IGSF10: variants seen among roughly 807,000 people sequenced by gnomAD.
IGSF10 encodes the protein immunoglobulin superfamily member 10, also known as calvaria mechanical force protein 608.
Under a neutral mutation model 128.2 loss-of-function variants are expected in IGSF10, and 126 were observed. The observed-to-expected ratio is 0.98, with a 90% CI of 0.85 to 1.14. IGSF10 has a LOEUF of 1.14. Among genes scored for constraint, IGSF10 ranks in the 50% most tolerant of loss-of-function variants. IGSF10 has a pLI of 0.00. For synonymous variants in IGSF10, 1,185 were observed against 1,146.2 expected (o/e 1.03, Z -0.68); for missense variants, 3,295 against 3,149.8 (o/e 1.05, Z -1.10).
At chr3:151,477,269 A>G in the IGSF10 span, among the ~76,000 whole-genome samples, 4 of 152,292 alleles carry the variant, frequency 2.6e-5, no homozygotes, top group Admixed American at 1.3e-4. Context: ...CCAAAATGCC[A>G]TGATTCTTCA....
chr3:151,594,482 C>T, the IGSF10 span, among the ~76,000 whole-genome samples: 10 of 151,834 alleles, frequency 6.6e-5, no homozygotes, highest in South Asian at 1.0e-3. Flanking sequence ...TACAGGCACC[C>T]GCCACCACGC....
At chr3:151,617,318 TCC>T in the IGSF10 span, among the ~76,000 whole-genome samples, 3 of 79,010 alleles carry the variant, frequency 3.8e-5, no homozygotes, top group African/African-American at 1.1e-4. Context: ...TTCTTCTTCT[TCC>T]CCTCCTCCTC....
Position 151,457,034 on chromosome 3 carries a change from C to T in IGSF10, c.316G>A (p.Ala106Thr). ...IPDKTFSDLQ[A>T]LQVLKMSYNK... ...CTCTCCATCAGTCTCACCTGCAAGG[C>T]CTGCAAATCTGAGAAGGTCTTGTCA... The change falls in exon 4 of 8, where the codon GCC becomes ACC. Residue 106 changes from alanine to threonine, a missense_variant. Physicochemically the swap from Ala to Thr is moderately conservative, Grantham distance 58. Coordinates refer to ENST00000282466, the MANE Select transcript of IGSF10 (RefSeq NM_178822.5). 1.2e-6 allele frequency: 2 copies of T among 1,614,186 alleles called. No individual in the cohort carries two copies. The highest frequency in any genetic ancestry group is 1.7e-6 in the Non-Finnish European group (2 of 1,180,020).
At chr3:151,461,740 C>T (rs532831157), upstream of IGSF10, among the ~76,000 whole-genome samples, 1 of 152,184 alleles carries the variant, frequency 6.6e-6, no homozygotes, top group Admixed American at 6.5e-5. Context: ...TTTCCTTTCT[C>T]CAACCCCTAT....
At chr3:151,513,411 A>G in the IGSF10 span, among the ~76,000 whole-genome samples, 1 of 152,216 alleles carries the variant, frequency 6.6e-6, no homozygotes, top group African/African-American at 2.4e-5. Flanking sequence ...GCCTGACAAA[A>G]TTCAACAACC....
At chr3:151,551,379 C>T in the IGSF10 span, among the ~76,000 whole-genome samples, 1 of 152,100 alleles carries the variant, frequency 6.6e-6, no homozygotes, top group Non-Finnish European at 1.5e-5. Flanking sequence ...GTATCACAGT[C>T]AGCCCTGCAG....
the IGSF10 span, among the ~76,000 whole-genome samples, chr3:151,598,557 T>G: frequency 9.3e-4 from 142 of 152,370 alleles, 1 homozygote; most frequent in African/African-American, 3.3e-3. Context: ...GCATATAATC[T>G]ATGTACATCA....
At chr3:151,610,075 G>A in the IGSF10 span, among the ~76,000 whole-genome samples, 1 of 152,158 alleles carries the variant, frequency 6.6e-6, no homozygotes, top group African/African-American at 2.4e-5. Context: ...CAGGGCAACA[G>A]TGGTGATGGA....
chr3:151,449,018 T>G lies in IGSF10; in HGVS notation c.963A>C (p.Thr321=). Residue 321 remains threonine (T), a synonymous_variant, in exon 6 of 8, where the codon ACA becomes ACC. Transcript: ENST00000282466. The stretch of plus-strand genomic sequence containing the variant: ...TGTTAGCTTCATTTCCAGACTGATC[T>G]GTCATATTCAAAGTGAGGGAGCCAA... ...APFGSLTLNM[T]DQSGNEANMV... is the part of the protein sequence containing the mutation. The G allele has an allele frequency of 6.2e-7, 1 of 1,614,236 alleles. No individual in the cohort carries two copies.
At chr3:151,578,734 T>C in the IGSF10 span, among the ~76,000 whole-genome samples, 104,698 of 152,040 alleles carry the variant, frequency 0.69, 36,101 homozygotes, top group South Asian at 0.74. Flanking sequence ...CTGTCTCAGA[T>C]GTAGGTGAAG....
chr3:151,445,767 G>T lies in IGSF10; in HGVS notation c.4214C>A (p.Ser1405Ter), dbSNP rs1560175999. ...HSPPENTTGI[S>*]STISFHSRTL... The stretch of plus-strand genomic sequence containing the variant: ...TCTTGAATGAAAACTGATTGTGCTT[G>T]AAATCCCAGTTGTGTTTTCTGGTGG... The change falls in exon 6 of 8, where the codon TCA (serine) becomes TAA (stop). Residue 1405 changes from serine to a stop codon, truncating the protein, a stop_gained. Transcript: ENST00000282466. LOFTEE classifies it high-confidence loss of function. 1 of 1,614,240 alleles carries T rather than the reference G, an allele frequency of 6.2e-7. No individual in the cohort carries two copies. The highest frequency in any genetic ancestry group is 1.1e-5 in the South Asian group (1 of 91,084).
At chr3:151,583,760 C>T in the IGSF10 span, among the ~76,000 whole-genome samples, 7 of 152,142 alleles carry the variant, frequency 4.6e-5, no homozygotes, top group Admixed American at 1.3e-4. Context: ...AATTTCCAGA[C>T]ATTTGAAAAT....
At chr3:151,480,532 C>T in the IGSF10 span, among the ~76,000 whole-genome samples, 8 of 152,134 alleles carry the variant, frequency 5.3e-5, no homozygotes, top group Non-Finnish European at 8.8e-5. Context: ...ATGGCCCTTG[C>T]TGCTATTGCT....
the IGSF10 span, among the ~76,000 whole-genome samples, chr3:151,506,118 A>AT: frequency 2.0e-4 from 30 of 151,950 alleles, no homozygotes; most frequent in Admixed American, 9.2e-4. Flanking sequence ...CGCTCAGCTA[A>AT]TTTTTTTTGT....
At chr3:151,450,833 T>C (rs1028991268) in intron 5 of IGSF10, among the ~76,000 whole-genome samples, 7 of 136,970 alleles carry the variant, frequency 5.1e-5, no homozygotes, top group African/African-American at 2.0e-4. Flanking sequence ...AGGCAGAGGT[T>C]GCAGTGAGCC....
At chr3:151,561,527 T>G in the IGSF10 span, among the ~76,000 whole-genome samples, 1 of 152,160 alleles carries the variant, frequency 6.6e-6, no homozygotes, top group Non-Finnish European at 1.5e-5. Context: ...TTTGTAAATA[T>G]AAATATTATT....
the IGSF10 span, among the ~76,000 whole-genome samples, chr3:151,587,189 A>C: frequency 2.0e-5 from 3 of 152,212 alleles, no homozygotes; most frequent in African/African-American, 7.2e-5. Context: ...AGTTCTTAGA[A>C]GATGAGTGAA....
the IGSF10 span, among the ~76,000 whole-genome samples, chr3:151,575,167 G>A: frequency 1.3e-5 from 2 of 152,180 alleles, no homozygotes; most frequent in Non-Finnish European, 2.9e-5. Context: ...CTACTGGAAG[G>A]TGTCTCCCAG....
chr3:151,587,939 C>A, the IGSF10 span, among the ~76,000 whole-genome samples: 1 of 152,160 alleles, frequency 6.6e-6, no homozygotes, highest in Non-Finnish European at 1.5e-5. Flanking sequence ...AACTGTAAGT[C>A]CAATTAAACC....
Sources: allele counts gnomAD v4.1 joint callset (sites outside exome capture counted in the v4.1 genomes callset), GRCh38; gene constraint gnomAD v4.1.1; transcripts MANE v1.5; gene names NCBI Gene and HGNC (gene_info 2026-07-23, HGNC 2026-07-21).